The following PIP5K1B variants were observed in gnomAD, a reference collection of about 807,000 sequenced individuals.
The protein encoded by PIP5K1B is phosphatidylinositol-4-phosphate 5-kinase type 1 beta.
In PIP5K1B, 42 loss-of-function variants were observed where a neutral mutation model predicts 67.0. That is an observed-to-expected ratio of 0.63 (90% CI 0.49 to 0.81). PIP5K1B has a LOEUF of 0.81. Among genes scored for constraint, PIP5K1B ranks in the 30% least tolerant of loss-of-function variants. The pLI, the probability that PIP5K1B is intolerant of heterozygous loss-of-function variation, is 0.00. For missense variants in PIP5K1B, 459 were observed against 646.3 expected (o/e 0.71, Z 3.14); for synonymous variants, 214 against 231.4 (o/e 0.92, Z 0.68).
Position 68,984,774 on chromosome 9 carries a change from C to A in PIP5K1B, c.1503-6366C>A, listed in dbSNP as rs567549397. Among the ~76,000 whole-genome samples the A allele has an allele frequency of 5.9e-5, 9 of 152,326 alleles. No individual in the cohort carries two copies. In the South Asian group the frequency reaches 1.7e-3, roughly 28 times the overall value. The stretch of plus-strand genomic sequence containing the variant: ...GATCTCCACAGCTAACACCAAACAT[C>A]ATATACCATATTTGTTTTTGTGGGT... On this transcript the variant is annotated intron_variant, in intron 14 of 15. Coordinates refer to ENST00000265382, the MANE Select transcript of PIP5K1B (RefSeq NM_003558.4).
intron 14 of PIP5K1B, 127 bp downstream of exon 14, chr9:68,940,917 C>A: frequency 1.2e-6 from 1 of 869,200 alleles, no homozygotes; most frequent in Non-Finnish European, 1.9e-6. Flanking sequence ...CCTCATAGGT[C>A]GGAGAGAGAA....
At chr9:68,869,003 A>C (rs1002171211) in intron 5 of PIP5K1B, among the ~76,000 whole-genome samples, 1 of 152,262 alleles carries the variant, frequency 6.6e-6, no homozygotes, top group Non-Finnish European at 1.5e-5. Context: ...ATAAGCAAAC[A>C]TATATGTCAA....
At chr9:68,987,502 C>T (rs1437792887) in intron 14 of PIP5K1B, among the ~76,000 whole-genome samples, 1 of 152,172 alleles carries the variant, frequency 6.6e-6, no homozygotes, top group African/African-American at 2.4e-5. Flanking sequence ...GCGGAGGTTG[C>T]AGTGAGCCAA....
intron 14 of PIP5K1B, among the ~76,000 whole-genome samples, chr9:68,949,585 C>T (rs981137746): frequency 1.5e-4 from 23 of 152,316 alleles, no homozygotes; most frequent in African/African-American, 4.3e-4. Flanking sequence ...AGAACAGGAC[C>T]TCAGTTCCTT....
intron 4 of PIP5K1B, among the ~76,000 whole-genome samples, chr9:68,827,220 G>T (rs987112718): frequency 6.6e-6 from 1 of 152,224 alleles, no homozygotes; most frequent in Non-Finnish European, 1.5e-5. Flanking sequence ...GGGGAAAGTA[G>T]TAGGCAGTTT....
intron 2 of PIP5K1B, among the ~76,000 whole-genome samples, chr9:68,751,143 G>C (rs1030747315): frequency 2.0e-5 from 3 of 152,206 alleles, no homozygotes; most frequent in East Asian, 3.9e-4. Flanking sequence ...TGGGCAAGTC[G>C]TGTAACCTCT....
At chr9:68,740,620 C>T (rs1337375486) in intron 1 of PIP5K1B, among the ~76,000 whole-genome samples, 2 of 152,216 alleles carry the variant, frequency 1.3e-5, no homozygotes, top group Non-Finnish European at 2.9e-5. Flanking sequence ...TTCAGTAGCT[C>T]TGATGAAATC....
chr9:69,004,335 TTTTGTGTG>T (rs1438205117), intron 15 of PIP5K1B, among the ~76,000 whole-genome samples: 21 of 121,010 alleles, frequency 1.7e-4, no homozygotes, highest in South Asian at 6.1e-4. Context: ...GTGTGTGTGT[TTTTGTGTG>T]TGTGTGTGTG....
chr9:68,951,236 A>T (rs564513184), intron 14 of PIP5K1B, among the ~76,000 whole-genome samples: 5 of 152,336 alleles, frequency 3.3e-5, no homozygotes, highest in Admixed American at 6.5e-5. Context: ...GTCACAAATA[A>T]CTTAAAAATG....
intron 1 of PIP5K1B, among the ~76,000 whole-genome samples, chr9:68,741,354 C>T (rs944568115): frequency 6.6e-6 from 1 of 152,144 alleles, no homozygotes; most frequent in East Asian, 1.9e-4. Context: ...ATATCGAAGG[C>T]AATGTTATGC....
chr9:68,811,925 C>A (rs551394163), intron 2 of PIP5K1B, among the ~76,000 whole-genome samples: 2 of 152,314 alleles, frequency 1.3e-5, no homozygotes, highest in South Asian at 4.1e-4. Flanking sequence ...AGGTCTACCA[C>A]GCAGAGGTAG....
At chr9:68,948,481 A>G (rs528452202) in intron 14 of PIP5K1B, among the ~76,000 whole-genome samples, 61 of 152,176 alleles carry the variant, frequency 4.0e-4, no homozygotes, top group African/African-American at 1.4e-3. Context: ...AACAACAGCA[A>G]CAACAACAAA....
intron 1 of PIP5K1B, among the ~76,000 whole-genome samples, chr9:68,726,879 G>C (rs1312852764): frequency 6.6e-6 from 1 of 151,918 alleles, no homozygotes; most frequent in South Asian, 2.1e-4. Flanking sequence ...TTGCATTTCC[G>C]TGACGGCTAA....
At chr9:68,737,034 C>A (rs563409107) in intron 1 of PIP5K1B, among the ~76,000 whole-genome samples, 143 of 152,214 alleles carry the variant, frequency 9.4e-4, no homozygotes, top group African/African-American at 3.2e-3. Flanking sequence ...ACCTTCTTTT[C>A]TTTCAGATTG....
At chr9:68,871,528 G>T (rs955217065) in intron 5 of PIP5K1B, among the ~76,000 whole-genome samples, 2 of 152,102 alleles carry the variant, frequency 1.3e-5, no homozygotes, top group Non-Finnish European at 2.9e-5. Context: ...CAGTAGCTTT[G>T]GCCTTAAAAA....
chr9:68,855,496 A>G (rs946183059), intron 4 of PIP5K1B, among the ~76,000 whole-genome samples: 17 of 152,170 alleles, frequency 1.1e-4, no homozygotes, highest in African/African-American at 3.9e-4. Context: ...GGAACTCTGA[A>G]TCTCTGCTCC....
chr9:68,984,151 T>C (rs76513271), intron 14 of PIP5K1B, among the ~76,000 whole-genome samples: 5,049 of 152,266 alleles, frequency 0.033, 99 homozygotes, highest in Non-Finnish European at 0.044. Flanking sequence ...TTATTCTCAT[T>C]TTACATATGG....
chr9:68,753,342 A>ATTTTT (rs398010785), intron 2 of PIP5K1B, among the ~76,000 whole-genome samples: 1 of 133,864 alleles, frequency 7.5e-6, no homozygotes, highest in Non-Finnish European at 1.6e-5. Flanking sequence ...CATTTTCTTG[A>ATTTTT]TTTTTTTTTT....
chr9:68,905,152 G>A (rs10781265), intron 8 of PIP5K1B, among the ~76,000 whole-genome samples: 101,592 of 151,350 alleles, frequency 0.67, 36,101 homozygotes, highest in Admixed American at 0.78. Flanking sequence ...GGCCCCAAGC[G>A]GAAAGACCCA....
Sources: gnomAD v4.1 joint callset for allele counts (sites outside exome capture counted in the v4.1 genomes callset) on GRCh38, gnomAD v4.1.1 for gene constraint, MANE v1.5 for transcripts, NCBI Gene and HGNC (gene_info 2026-07-23, HGNC 2026-07-21) for gene names.